SRP19: variants seen among roughly 807,000 people sequenced by gnomAD.
The protein encoded by SRP19 is signal recognition particle 19 kDa protein.
In SRP19, 11 loss-of-function variants were observed where a neutral mutation model predicts 22.4. The observed-to-expected ratio is 0.49, with a 90% CI of 0.31 to 0.81. The LOEUF (loss-of-function observed/expected upper bound fraction) is 0.81, where lower values mean the gene tolerates loss of function less well. Among genes scored for constraint, SRP19 ranks in the 40% least tolerant of loss-of-function variants. The pLI is 0.05. For synonymous variants in SRP19, 61 were observed against 57.6 expected (o/e 1.06, Z -0.27); for missense variants, 168 against 175.9 (o/e 0.96, Z 0.25).
chr5:112,876,123 G>T (rs1392908333), intron 4 of SRP19, among the ~76,000 whole-genome samples: 2 of 151,938 alleles, frequency 1.3e-5, no homozygotes, highest in Non-Finnish European at 2.9e-5. Flanking sequence ...CAATACACAG[G>T]TTAAAAAAAA....
At chr5:112,892,560 C>T in exon 5 of SRP19, 1 of 1,614,132 alleles carries the variant, frequency 6.2e-7, no homozygotes, top group Non-Finnish European at 8.5e-7. Context: ...GTGAATTCTG[C>T]CCAGTGACCC....
chr5:112,881,004 C>G (rs1291527042), intron 4 of SRP19, among the ~76,000 whole-genome samples: 1 of 151,942 alleles, frequency 6.6e-6, no homozygotes, highest in African/African-American at 2.4e-5. Flanking sequence ...TGGCCCACAC[C>G]TGTAATCACA....
intron 4 of SRP19, among the ~76,000 whole-genome samples, chr5:112,890,575 G>A (rs1370186432): frequency 3.4e-5 from 5 of 149,088 alleles, no homozygotes; most frequent in South Asian, 2.1e-4. Flanking sequence ...ATGGGGTTTC[G>A]CCATGTTGGC....
chr5:112,883,222 G>T (rs1413182773), intron 4 of SRP19, among the ~76,000 whole-genome samples: 1 of 152,204 alleles, frequency 6.6e-6, no homozygotes, highest in Non-Finnish European at 1.5e-5. Flanking sequence ...TCAAAAGAAA[G>T]ATCTATATTC....
At chr5:112,897,124 CTG>C (rs1274307429), downstream of SRP19, 2 of 151,956 alleles carry the variant, frequency 1.3e-5, no homozygotes, top group African/African-American at 4.8e-5. Context: ...ACTCAGAATA[CTG>C]TGTTAATTGA....
intron 2 of SRP19, 72 bp downstream of exon 2, chr5:112,862,655 T>C: frequency 7.4e-7 from 1 of 1,349,848 alleles, no homozygotes. Context: ...CACGTAATCT[T>C]GTTAGAGCCG....
rs747337679 is a variant in SRP19 at position 112,862,553 on chromosome 5, C to G, written c.87C>G (p.Ile29Met). Residue 29 changes from isoleucine to methionine, a missense_variant, in exon 2 of 5, where the codon ATC becomes ATG. Coordinates refer to ENST00000505459, the MANE Select transcript of SRP19 (RefSeq NM_003135.3). Reference sequence around the variant, plus strand: ...CTTATTTAAATAATAAGAAGACCATCGCAGAGGGAAGGCGAATCCCCATAA... The same window carrying G: ...CTTATTTAAATAATAAGAAGACCATGGCAGAGGGAAGGCGAATCCCCATAA... Reference protein sequence around the residue: ...YPAYLNNKKTIAEGRRIPISK... With the variant: ...YPAYLNNKKTMAEGRRIPISK... The G allele has an allele frequency of 1.9e-6, 3 of 1,613,906 alleles. No individual in the cohort carries two copies. Among genetic ancestry groups the G allele is most frequent in the Non-Finnish European group, 2.5e-6 (3 of 1,179,946 alleles).
chr5:112,897,161 A>G (rs1446113135), downstream of SRP19: 3 of 152,132 alleles, frequency 2.0e-5, no homozygotes, highest in African/African-American at 7.2e-5. Context: ...AGAATTATAT[A>G]TCATATGTGA....
At chr5:112,864,585 T>G (rs1316185480) in intron 3 of SRP19, 36 bp from the exon 4 acceptor site, 7 of 1,611,958 alleles carry the variant, frequency 4.3e-6, no homozygotes, top group Non-Finnish European at 5.9e-6. Context: ...AATAACTTTC[T>G]TAAGTCCTGT....
intron 2 of SRP19, 30 bp downstream of exon 2, chr5:112,862,613 C>T: frequency 2.5e-6 from 4 of 1,599,294 alleles, no homozygotes; most frequent in Non-Finnish European, 3.4e-6. Context: ...CCTTGATCCT[C>T]GAGGGAATGG....
Position 112,864,789 on chromosome 5 carries a change from C to T in SRP19, c.301+57C>T, listed in dbSNP as rs1048339057. The stretch of plus-strand genomic sequence containing the variant: ...AGGGATAGGTTTCTCCTACACAACA[C>T]AAAAAAGGTTCTAAAACTGAAAGGT... On this transcript the variant is annotated intron_variant, in intron 4 of 4. Coordinates refer to ENST00000505459, the MANE Select transcript of SRP19 (RefSeq NM_003135.3). 3.9e-5 allele frequency: 52 copies of T among 1,338,332 alleles called. No individual in the cohort carries two copies. In the Middle Eastern group the frequency reaches 1.4e-3, roughly 36 times the overall value. The allele number at this position is 1,338,332 out of a possible 1,614,324, so 82.9% of individuals were successfully genotyped here. A position where few individuals can be genotyped will look rare whatever the true frequency, so the allele number is the denominator to read the frequency against.
downstream of SRP19, among the ~76,000 whole-genome samples, chr5:112,870,780 CT>C (rs1346855325): frequency 6.6e-6 from 1 of 152,186 alleles, no homozygotes; most frequent in Admixed American, 6.5e-5. Context: ...AGCGCACCCT[CT>C]TTGTCCTCTC....
exon 4 of SRP19, chr5:112,898,369 C>T (rs1278704201): frequency 6.6e-6 from 1 of 152,246 alleles, no homozygotes; most frequent in African/African-American, 2.4e-5. Context: ...TTCATGAACA[C>T]TATGATGCCA....
intron 4 of SRP19, among the ~76,000 whole-genome samples, chr5:112,881,659 T>C (rs143098438): frequency 1.3e-5 from 2 of 152,302 alleles, no homozygotes; most frequent in African/African-American, 4.8e-5. Context: ...TCAGATTCTA[T>C]CACTGAGTAG....
At chr5:112,887,304 T>C (rs1768287310) in intron 4 of SRP19, 2 of 922,268 alleles carry the variant, frequency 2.2e-6, no homozygotes, top group Non-Finnish European at 2.9e-6. Context: ...CCCAAAGGCA[T>C]TACCAGTGTT....
At chr5:112,891,511 C>T in intron 4 of SRP19, 1 of 1,303,922 alleles carries the variant, frequency 7.7e-7, no homozygotes, top group Non-Finnish European at 1.1e-6. Context: ...TATAAGTATG[C>T]AAACAAAACA....
At chr5:112,894,128 T>TTG (rs200434062), downstream of SRP19, 1 of 151,140 alleles carries the variant, frequency 6.6e-6, no homozygotes, top group African/African-American at 2.4e-5. Flanking sequence ...TTTTTTGTTT[T>TTG]TTTTTTTTTT....
At chr5:112,862,429 TTTGG>T (rs761524223) in intron 1 of SRP19, 75 bp from the exon 2 acceptor site, 1 of 1,263,362 alleles carries the variant, frequency 7.9e-7, no homozygotes, top group East Asian at 2.3e-5. Flanking sequence ...TGAATTGGCC[TTTGG>T]TTCCCTGCCA....
At chr5:112,866,553 C>G (rs918850029) in intron 4 of SRP19, among the ~76,000 whole-genome samples, 1 of 152,102 alleles carries the variant, frequency 6.6e-6, no homozygotes, top group Non-Finnish European at 1.5e-5. Context: ...CAGTCTCAAA[C>G]TCGTGGACAC....
Sources: gnomAD v4.1 joint callset for allele counts (sites outside exome capture counted in the v4.1 genomes callset) on GRCh38, gnomAD v4.1.1 for gene constraint, MANE v1.5 for transcripts, NCBI Gene and HGNC (gene_info 2026-07-23, HGNC 2026-07-21) for gene names.